RALYL: variants seen among roughly 807,000 people sequenced by gnomAD.
RALYL encodes RNA-binding Raly-like protein.
In RALYL, 29 loss-of-function variants were observed where a neutral mutation model predicts 35.1. The ratio of observed to expected loss-of-function variants is 0.83; its 90% confidence interval spans 0.61 to 1.13. The LOEUF is 1.13. RALYL is among the 50% of genes most tolerant of loss of function. The probability of loss-of-function intolerance (pLI) is 0.00; values close to 1 mark genes in which losing one functional copy is unlikely to be tolerated. For synonymous variants in RALYL, 120 were observed against 127.6 expected, an observed-to-expected ratio of 0.94 and a Z score of 0.40; for missense variants, 359 against 360.4, an observed-to-expected ratio of 1.00 and a Z score of 0.03.
intron 1 of RALYL, among the ~76,000 whole-genome samples, chr8:84,453,468 C>T (rs1202094285): frequency 6.6e-6 from 1 of 151,882 alleles, no homozygotes; most frequent in Non-Finnish European, 1.5e-5. Flanking sequence ...AAATCAAGAA[C>T]ACATTTTAGT....
chr8:84,453,277 C>T (rs897018470), intron 1 of RALYL, among the ~76,000 whole-genome samples: 2 of 151,820 alleles, frequency 1.3e-5, no homozygotes, highest in South Asian at 2.1e-4. Context: ...ACATATAATT[C>T]TATCTCAAGA....
At chr8:84,748,638 T>A (rs898932285) in intron 2 of RALYL, among the ~76,000 whole-genome samples, 1 of 152,114 alleles carries the variant, frequency 6.6e-6, no homozygotes, top group Non-Finnish European at 1.5e-5. Context: ...ACCTGAATGA[T>A]TCACTTTAAA....
chr8:84,519,133 G>A (rs917644177), intron 1 of RALYL, among the ~76,000 whole-genome samples: 1 of 152,026 alleles, frequency 6.6e-6, no homozygotes, highest in Admixed American at 6.6e-5. Flanking sequence ...CTCCAGATTT[G>A]CTTTGTTCAA....
chr8:84,582,452 C>G (rs1413568439), intron 2 of RALYL, among the ~76,000 whole-genome samples: 1 of 151,930 alleles, frequency 6.6e-6, no homozygotes, highest in East Asian at 1.9e-4. Flanking sequence ...TAGCTGCAGT[C>G]TTTCCCCACT....
intron 6 of RALYL, among the ~76,000 whole-genome samples, chr8:84,866,269 G>A (rs1839153407): frequency 6.6e-6 from 1 of 152,266 alleles, no homozygotes; most frequent in Admixed American, 6.5e-5. Context: ...ATTGCCTGGA[G>A]TGGAGTCTGT....
At chr8:84,184,834 A>C in intron 1 of RALYL, 2 of 759,326 alleles carry the variant, frequency 2.6e-6, no homozygotes, top group Non-Finnish European at 4.5e-6. Flanking sequence ...CGGGCGGGCT[A>C]GAGGGGACCC....
At chr8:84,499,542 A>G (rs1206571602) in intron 1 of RALYL, among the ~76,000 whole-genome samples, 4 of 152,168 alleles carry the variant, frequency 2.6e-5, no homozygotes, top group Non-Finnish European at 5.9e-5. Context: ...CAGAGACAAC[A>G]GAGACCTGTT....
At chr8:84,706,063 A>G in intron 2 of RALYL, 3 of 1,534,952 alleles carry the variant, frequency 2.0e-6, no homozygotes, top group Non-Finnish European at 2.6e-6. Flanking sequence ...TCAGAGATGT[A>G]AGTAAAATCT....
intron 2 of RALYL, among the ~76,000 whole-genome samples, chr8:84,601,677 A>G (rs1405464387): frequency 6.6e-6 from 1 of 152,098 alleles, no homozygotes; most frequent in Non-Finnish European, 1.5e-5. Flanking sequence ...AGTTGTGAAC[A>G]TAGCATAGCC....
At chr8:84,820,274 A>C (rs1391543861) in intron 4 of RALYL, among the ~76,000 whole-genome samples, 2 of 152,228 alleles carry the variant, frequency 1.3e-5, no homozygotes, top group African/African-American at 4.8e-5. Context: ...TCTATGAAGG[A>C]TTTATGACCA....
At chr8:84,735,811 C>CGAGAGAGAGAGAGAGAGAGAGAGA (rs59842702) in intron 2 of RALYL, among the ~76,000 whole-genome samples, 3 of 111,308 alleles carry the variant, frequency 2.7e-5, no homozygotes, top group Non-Finnish European at 6.1e-5. Flanking sequence ...ATCCAAACCG[C>CGAGAGAGAGAGAGAGAGAGAGAGA]GAGAGAGAGA....
At chr8:84,509,433 G>A (rs1587866389) in intron 1 of RALYL, among the ~76,000 whole-genome samples, 2 of 152,248 alleles carry the variant, frequency 1.3e-5, no homozygotes, top group African/African-American at 4.8e-5. Flanking sequence ...TGGAATTGCA[G>A]ACTTTTGCGA....
chr8:84,382,350 A>G (rs979040193), intron 1 of RALYL, among the ~76,000 whole-genome samples: 1 of 151,826 alleles, frequency 6.6e-6, no homozygotes, highest in South Asian at 2.1e-4. Context: ...ACACTCTCAA[A>G]TAAATGTTCA....
intron 1 of RALYL, among the ~76,000 whole-genome samples, chr8:84,356,042 C>G (rs1352449740): frequency 1.3e-5 from 2 of 149,862 alleles, no homozygotes; most frequent in African/African-American, 2.5e-5. Flanking sequence ...GGCACTTCCC[C>G]CCTTCACTCT....
intron 2 of RALYL, among the ~76,000 whole-genome samples, chr8:84,728,740 C>A (rs1339515432): frequency 1.3e-5 from 2 of 152,026 alleles, no homozygotes; most frequent in African/African-American, 4.8e-5. Flanking sequence ...GAATCCTTTC[C>A]CCATTACTTG....
intron 2 of RALYL, among the ~76,000 whole-genome samples, chr8:84,684,603 A>G (rs1225099917): frequency 2.0e-5 from 3 of 152,238 alleles, no homozygotes; most frequent in Non-Finnish European, 4.4e-5. Context: ...TCAAAGAACT[A>G]CAAAGAAGTT....
chr8:84,823,999 G>A (rs1266542836), intron 4 of RALYL, among the ~76,000 whole-genome samples: 1 of 152,050 alleles, frequency 6.6e-6, no homozygotes, highest in Non-Finnish European at 1.5e-5. Context: ...CAAGGTACTA[G>A]AAATGCTAGC....
chr8:84,885,223 G>A (rs1446789596), intron 7 of RALYL, among the ~76,000 whole-genome samples: 1 of 152,058 alleles, frequency 6.6e-6, no homozygotes, highest in African/African-American at 2.4e-5. Flanking sequence ...TTCAGTAAGA[G>A]TAAAATTGAG....
intron 7 of RALYL, among the ~76,000 whole-genome samples, chr8:84,886,783 G>A (rs1021536948): frequency 6.6e-6 from 1 of 152,200 alleles, no homozygotes; most frequent in African/African-American, 2.4e-5. Flanking sequence ...TTCTAGTAAT[G>A]TGGAGTGTAG....
Sources: gnomAD v4.1 joint callset for allele counts (sites outside exome capture counted in the v4.1 genomes callset) on GRCh38, gnomAD v4.1.1 for gene constraint, MANE v1.5 for transcripts, NCBI Gene and HGNC (gene_info 2026-07-23, HGNC 2026-07-21) for gene names.